PKP1: variants seen among roughly 807,000 people sequenced by gnomAD.
The protein encoded by PKP1 is plakophilin-1.
Under a neutral mutation model 76.4 loss-of-function variants are expected in PKP1, and 27 were observed. The observed-to-expected ratio is 0.35, with a 90% CI of 0.26 to 0.49. PKP1 has a LOEUF of 0.49. Among genes scored for constraint, PKP1 ranks in the 20% least tolerant of loss-of-function variants. PKP1 has a pLI of 0.99. For synonymous variants in PKP1, 404 were observed against 384.2 expected (o/e 1.05, Z -0.60); for missense variants, 964 against 955.2 (o/e 1.01, Z -0.12).
At chr1:201,309,939 C>T (rs962714332) in intron 2 of PKP1, among the ~76,000 whole-genome samples, 4 of 152,214 alleles carry the variant, frequency 2.6e-5, no homozygotes, top group African/African-American at 7.2e-5. Context: ...TGGCTTCACT[C>T]GAAGTGCCCC....
chr1:201,313,486 G>A lies in PKP1; in HGVS notation c.627G>A (p.Lys209=), dbSNP rs758620530. The part of the protein sequence containing the change: ...CPVRPPSCAS[K]QDPVYIPPIS... ...TGCGCCCGCCCTCTTGTGCCTCCAA[G>A]CAGGACCCTGTGTATATCCCGCCCA... is the stretch of plus-strand genomic sequence containing the variant. Residue 209 remains lysine, a synonymous_variant, in exon 3 of 14, where the codon AAG becomes AAA. Coordinates refer to ENST00000367324, the MANE Select transcript of PKP1 (RefSeq NM_001005337.3). The A allele has an allele frequency of 1.2e-6, 2 of 1,613,858 alleles. No homozygotes were observed. The highest frequency in any genetic ancestry group is 2.2e-5 in the South Asian group (2 of 90,912).
Position 201,330,907 on chromosome 1 carries a change from C to G in PKP1, c.*866C>G, listed in dbSNP as rs1046188502. ...CAGAGCAGGCTCAGCCTGCAAAGGCCCTGCATTCAGAGGTCTTGTAATCTA... is the reference window on the plus strand; with the variant it reads ...CAGAGCAGGCTCAGCCTGCAAAGGCGCTGCATTCAGAGGTCTTGTAATCTA... On this transcript the variant is annotated 3_prime_UTR_variant, in exon 14 of 14. Transcript: ENST00000367324. 6.6e-6 allele frequency: 1 copy of G among 152,336 alleles called. No homozygotes were observed. The highest frequency in any genetic ancestry group is 1.5e-5 in the Non-Finnish European group (1 of 68,034). 9.4% of individuals were successfully genotyped at this position (152,336 alleles called of 1,614,324 possible).
chr1:201,316,494 C>G, intron 3 of PKP1, 59 bp from the exon 4 acceptor site: 7 of 1,523,008 alleles, frequency 4.6e-6, no homozygotes, highest in Non-Finnish European at 6.2e-6. Flanking sequence ...GAATTCTGAG[C>G]CCCCTCAGCA....
chr1:201,294,811 A>G (rs1209416466), intron 2 of PKP1, among the ~76,000 whole-genome samples: 2 of 152,168 alleles, frequency 1.3e-5, no homozygotes, highest in Non-Finnish European at 2.9e-5. Flanking sequence ...CCATTTACTG[A>G]ACAAATATTT....
chr1:201,292,539 G>A (rs1272961990), intron 1 of PKP1, among the ~76,000 whole-genome samples: 1 of 152,138 alleles, frequency 6.6e-6, no homozygotes, highest in Non-Finnish European at 1.5e-5. Flanking sequence ...GCACGAGGTG[G>A]GGATCCCTGC....
At chr1:201,307,043 C>T (rs1333647694) in intron 2 of PKP1, among the ~76,000 whole-genome samples, 1 of 152,194 alleles carries the variant, frequency 6.6e-6, no homozygotes, top group Non-Finnish European at 1.5e-5. Context: ...TTTATGGCTT[C>T]TGCTGTGCCT....
Position 201,314,752 on chromosome 1 carries a change from C to T in PKP1, c.701+1192C>T, listed in dbSNP as rs185586285. Among the ~76,000 whole-genome samples, 24 of 152,334 alleles carry T rather than the reference C, an allele frequency of 1.6e-4. No individual in the cohort carries two copies. The South Asian group carries it at 2.5e-3, about 16-fold the overall frequency. On this transcript the variant is annotated intron_variant, in intron 3 of 13. Coordinates refer to ENST00000367324, the MANE Select transcript of PKP1 (RefSeq NM_001005337.3). The stretch of plus-strand genomic sequence containing the variant: ...ATTTATTTATTTGGCAAATGTTTGC[C>T]GACCATCTACTACATGCCAGGCTCT...
At chr1:201,316,277 C>T (rs1052908064) in intron 3 of PKP1, 45 of 422,380 alleles carry the variant, frequency 1.1e-4, no homozygotes, top group Non-Finnish European at 1.8e-4. Context: ...AGGAGTTTTT[C>T]CTCAGTGGAG....
Position 201,323,026 on chromosome 1 carries a change from A to T in PKP1, c.1517A>T (p.Asp506Val). The T allele has an allele frequency of 6.2e-7, 1 of 1,613,960 alleles. No individual in the cohort carries two copies. The highest frequency in any genetic ancestry group is 1.1e-5 in the South Asian group (1 of 91,078). ...KSDKMMNNNY[D>V]CPLPEEETNP... ...CTTTATCCTCAGAACAACAACTATGACTGCCCCCTGCCTGAGGAAGAGACC... is the reference window on the plus strand; with the variant it reads ...CTTTATCCTCAGAACAACAACTATGTCTGCCCCCTGCCTGAGGAAGAGACC... The change falls in exon 9 of 14, where the codon GAC (aspartate) becomes GTC (valine). Residue 506 changes from aspartate to valine, a missense_variant. Coordinates refer to ENST00000367324, the MANE Select transcript of PKP1 (RefSeq NM_001005337.3).
intron 6 of PKP1, chr1:201,319,907 A>G: frequency 6.2e-7 from 1 of 1,610,470 alleles, no homozygotes; most frequent in Non-Finnish European, 8.5e-7. Flanking sequence ...CTGCGGAGGG[A>G]CCGTTGCCAC....
intron 1 of PKP1, 129 bp from the exon 2 acceptor site, chr1:201,293,810 TCTC>T: frequency 1.4e-6 from 1 of 710,886 alleles, no homozygotes. Context: ...TTCCCCACCT[TCTC>T]CTCCAGGAGC....
intron 3 of PKP1, among the ~76,000 whole-genome samples, chr1:201,315,410 G>A (rs1571555806): frequency 1.3e-5 from 2 of 152,348 alleles, no homozygotes; most frequent in East Asian, 1.9e-4. Context: ...CAAAGCATAA[G>A]GATAGGGCTC....
chr1:201,301,415 A>G (rs888886498), intron 2 of PKP1, among the ~76,000 whole-genome samples: 18 of 152,102 alleles, frequency 1.2e-4, no homozygotes, highest in Admixed American at 1.1e-3. Context: ...CTAATCAACA[A>G]CTAATCTTCC....
In PKP1 at chr1:201,283,782, C is replaced by T. The variant is rs2102402212; in HGVS notation, c.80C>T (p.Ser27Leu). ...DQDNSTLALP[S>L]DQKMKTGTSG... is the part of the protein sequence containing the mutation. ...GACAACTCCACGTTGGCTTTGCCGT[C>T]GGACCAAAAGATGAAAACAGGCACG... The change falls in exon 1 of 14, where the codon TCG (serine) becomes TTG (leucine). Residue 27 changes from serine (S) to leucine (L), a missense_variant. Coordinates refer to ENST00000367324, the MANE Select transcript of PKP1 (RefSeq NM_001005337.3). 2 of 1,614,168 alleles carry T rather than the reference C, an allele frequency of 1.2e-6. No individual in the cohort carries two copies. Among genetic ancestry groups the T allele is most frequent in the East Asian group, 2.2e-5 (1 of 44,876 alleles).
At chr1:201,303,300 G>A (rs777341357) in intron 2 of PKP1, among the ~76,000 whole-genome samples, 24 of 152,120 alleles carry the variant, frequency 1.6e-4, no homozygotes, top group Non-Finnish European at 1.9e-4. Context: ...CTACAGGCAC[G>A]TGCCAGTTTT....
chr1:201,323,270 C>A (rs993097962), intron 9 of PKP1, 81 bp downstream of exon 9: 7 of 1,376,994 alleles, frequency 5.1e-6, no homozygotes, highest in African/African-American at 2.8e-5. Context: ...CTTTTCCCCC[C>A]AGCCTGTCCC....
At chr1:201,318,351 G>T (rs1108495) in intron 5 of PKP1, among the ~76,000 whole-genome samples, 1 of 152,184 alleles carries the variant, frequency 6.6e-6, no homozygotes, top group East Asian at 1.9e-4. Flanking sequence ...TCAATCAAAC[G>T]TTTTTTGATC....
chr1:201,298,641 C>T (rs1304662568), intron 2 of PKP1, among the ~76,000 whole-genome samples: 1 of 152,210 alleles, frequency 6.6e-6, no homozygotes, highest in Non-Finnish European at 1.5e-5. Flanking sequence ...TCCAGCCTGG[C>T]ATGCCTAAGA....
At position 201,317,682 on chromosome 1, in the gene PKP1, C is replaced by T. The variant is rs766071198; in HGVS notation, c.957C>T (p.Thr319=). Residue 319 remains threonine, a synonymous_variant, in exon 5 of 14, where the codon ACC becomes ACT. Coordinates refer to ENST00000367324, the MANE Select transcript of PKP1 (RefSeq NM_001005337.3). ...TGCGCAACCTGGTGTTCAGGAGCAC[C>T]ACCAACAAGCTGGAGACCCGGAGGC... ...GALRNLVFRS[T]TNKLETRRQN... 3.1e-6 allele frequency: 5 copies of T among 1,614,018 alleles called. No individual in the cohort carries two copies. In the Admixed American group the frequency reaches 8.3e-5, roughly 27 times the overall value.
Sources: gnomAD v4.1 joint callset for allele counts (sites outside exome capture counted in the v4.1 genomes callset) on GRCh38, gnomAD v4.1.1 for gene constraint, MANE v1.5 for transcripts, NCBI Gene and HGNC (gene_info 2026-07-23, HGNC 2026-07-21) for gene names.